Variants in KLF8 observed in about 807,000 individuals in gnomAD.
The protein encoded by KLF8 is Krueppel-like factor 8.
Under a neutral mutation model 18.2 loss-of-function variants are expected in KLF8, and 10 were observed. The observed-to-expected ratio is 0.55, with a 90% CI of 0.34 to 0.93. KLF8 has a LOEUF of 0.93. Ranked by LOEUF, KLF8 falls within the 40% of genes least tolerant of loss-of-function variation. The probability of loss-of-function intolerance (pLI) is 0.02; values close to 1 mark genes in which losing one functional copy is unlikely to be tolerated. For missense variants in KLF8, 264 were observed against 277.9 expected, an observed-to-expected ratio of 0.95 and a Z score of 0.36; for synonymous variants, 109 against 97.3, an observed-to-expected ratio of 1.12 and a Z score of -0.71.
chrX:56,179,074 C>T, the KLF8 span, among the ~76,000 whole-genome samples: 1 of 111,942 alleles, frequency 8.9e-6, no homozygotes, highest in African/African-American at 3.2e-5. Context: ...TTACCTTGGG[C>T]AGTATGGCCA....
At chrX:56,053,006 G>A in the KLF8 span, among the ~76,000 whole-genome samples, 160 of 111,997 alleles carry the variant, frequency 1.4e-3, no homozygotes, top group African/African-American at 5.1e-3. Context: ...AAGCGCAGTA[G>A]TCAGGTGGGA....
At chrX:56,135,378 A>G in the KLF8 span, among the ~76,000 whole-genome samples, 1 of 111,550 alleles carries the variant, frequency 9.0e-6, no homozygotes, top group Non-Finnish European at 1.9e-5. Flanking sequence ...GCCATAAAAA[A>G]TGATGAGTTC....
chrX:56,259,394 C>CT (rs2066853214), intron 2 of KLF8, among the ~76,000 whole-genome samples: 1 of 110,531 alleles, frequency 9.0e-6, no homozygotes, highest in Admixed American at 9.7e-5. Context: ...TTTTTCCTCT[C>CT]TTTTTTTAAA....
chrX:56,079,651 A>G, the KLF8 span, among the ~76,000 whole-genome samples: 2 of 111,670 alleles, frequency 1.8e-5, no homozygotes, highest in Non-Finnish European at 3.8e-5. Context: ...GTAGATGTCT[A>G]TTAGGTCCAC....
chrX:56,218,953 T>C, the KLF8 span, among the ~76,000 whole-genome samples: 2 of 112,377 alleles, frequency 1.8e-5, no homozygotes, highest in East Asian at 5.5e-4. Context: ...ATTTTTTAAA[T>C]GAATTATCAA....
chrX:56,027,850 G>T, the KLF8 span, among the ~76,000 whole-genome samples: 1 of 112,667 alleles, frequency 8.9e-6, no homozygotes, highest in African/African-American at 3.2e-5. Context: ...ATGGTTATGC[G>T]GGGGTTTTCA....
the KLF8 span, among the ~76,000 whole-genome samples, chrX:56,199,673 C>A: frequency 9.0e-6 from 1 of 111,489 alleles, no homozygotes; most frequent in Non-Finnish European, 1.9e-5. Flanking sequence ...GAGAGTGTGG[C>A]GATTTTTCAA....
At chrX:56,009,519 C>A in the KLF8 span, among the ~76,000 whole-genome samples, 1 of 111,635 alleles carries the variant, frequency 9.0e-6, no homozygotes, top group African/African-American at 3.3e-5. Context: ...AATGAAGAAA[C>A]ACTGAAAACC....
At chrX:56,045,287 T>C in the KLF8 span, among the ~76,000 whole-genome samples, 1 of 112,349 alleles carries the variant, frequency 8.9e-6, no homozygotes, top group East Asian at 2.8e-4. Context: ...CCATGCTGTT[T>C]TGGTGACTAG....
the KLF8 span, among the ~76,000 whole-genome samples, chrX:56,127,386 A>T: frequency 2.7e-5 from 3 of 111,788 alleles, no homozygotes; most frequent in Non-Finnish European, 3.8e-5. Context: ...GCTAAAACAT[A>T]GGCCAATCAC....
At chrX:56,165,669 A>G in the KLF8 span, among the ~76,000 whole-genome samples, 1 of 111,458 alleles carries the variant, frequency 9.0e-6, no homozygotes, top group Non-Finnish European at 1.9e-5. Flanking sequence ...GTTCAAGACT[A>G]GCCTGGACAA....
At chrX:56,103,654 C>A in the KLF8 span, among the ~76,000 whole-genome samples, 1 of 111,526 alleles carries the variant, frequency 9.0e-6, no homozygotes. Flanking sequence ...ATGTCATCTG[C>A]AAACAGGGAC....
chrX:56,177,541 C>T, the KLF8 span, among the ~76,000 whole-genome samples: 7 of 111,008 alleles, frequency 6.3e-5, no homozygotes, highest in Non-Finnish European at 1.1e-4. Flanking sequence ...TTAGGCTACT[C>T]GGGGGTCAGG....
chrX:56,095,574 T>C, the KLF8 span, among the ~76,000 whole-genome samples: 21 of 111,536 alleles, frequency 1.9e-4, no homozygotes, highest in Admixed American at 8.6e-4. Flanking sequence ...GGCTAATATC[T>C]AGAATCTACA....
the KLF8 span, among the ~76,000 whole-genome samples, chrX:55,979,470 G>A: frequency 8.9e-6 from 1 of 112,042 alleles, no homozygotes; most frequent in Non-Finnish European, 1.9e-5. Flanking sequence ...GGATACAGAG[G>A]CACTCCTGTA....
the KLF8 span, among the ~76,000 whole-genome samples, chrX:56,073,928 G>T: frequency 1.1e-4 from 12 of 111,378 alleles, no homozygotes; most frequent in African/African-American, 3.9e-4. Context: ...TGTATTTTTA[G>T]TAGAGACGGG....
At chrX:56,181,351 G>C in the KLF8 span, among the ~76,000 whole-genome samples, 1 of 110,935 alleles carries the variant, frequency 9.0e-6, no homozygotes, top group Non-Finnish European at 1.9e-5. Flanking sequence ...TTGAGCCTAT[G>C]TGTGTCTCTG....
At chrX:56,034,817 G>A in the KLF8 span, among the ~76,000 whole-genome samples, 5,244 of 91,510 alleles carry the variant, frequency 0.057, 164 homozygotes, top group South Asian at 0.094. Context: ...GTGCAGTGGC[G>A]CGTTCTCGGC....
chrX:56,000,661 G>C, the KLF8 span, among the ~76,000 whole-genome samples: 1 of 110,341 alleles, frequency 9.1e-6, no homozygotes, highest in Non-Finnish European at 1.9e-5. Context: ...TCAGATGATC[G>C]GTTGTATTTC....
Sources: allele counts gnomAD v4.1 joint callset (sites outside exome capture counted in the v4.1 genomes callset), GRCh38; gene constraint gnomAD v4.1.1; transcripts MANE v1.5; gene names NCBI Gene and HGNC (gene_info 2026-07-23, HGNC 2026-07-21).